Variants in RB1CC1 observed in about 807,000 individuals in gnomAD.
The protein encoded by RB1CC1 is RB1 inducible coiled-coil 1, also known as RB1-inducible coiled-coil protein 1.
In RB1CC1, 46 loss-of-function variants were observed where a neutral mutation model predicts 177.5. The ratio of observed to expected loss-of-function variants is 0.26; its 90% CI spans 0.20 to 0.33. The LOEUF is 0.33. Ranked by LOEUF, RB1CC1 falls within the 10% of genes least tolerant of loss-of-function variation. The pLI is 1.00. For synonymous variants in RB1CC1, 666 were observed against 613.6 expected, an observed-to-expected ratio of 1.09 and a Z score of -1.26; for missense variants, 1,703 against 1,816.3, an observed-to-expected ratio of 0.94 and a Z score of 1.13.
intron 15 of RB1CC1, among the ~76,000 whole-genome samples, chr8:52,650,656 TC>T (rs1850491356): frequency 6.6e-6 from 1 of 151,566 alleles, no homozygotes; most frequent in Non-Finnish European, 1.5e-5. Flanking sequence ...GAAAAAAAAA[TC>T]CCATAAAACA....
intron 18 of RB1CC1, among the ~76,000 whole-genome samples, chr8:52,639,389 C>G (rs565029233): frequency 3.3e-5 from 5 of 151,562 alleles, no homozygotes; most frequent in Non-Finnish European, 7.4e-5. Context: ...ATGATCTACA[C>G]TCTGATGTAC....
In RB1CC1 at chr8:52,709,689, G is replaced by T. The variant is rs552121030; in HGVS notation, c.-167+4386C>A. ...CGAGGCAGTGGTTGTAGTGAGCCTA[G>T]ATCACACCATTGCCTGTCGCCTGCC... On this transcript the variant is annotated intron_variant, in intron 1 of 23. Transcript: ENST00000025008. Among the ~76,000 whole-genome samples, 28 of 152,342 alleles carry T rather than the reference G, an allele frequency of 1.8e-4. No homozygotes were observed. The South Asian group carries it at 5.8e-3, about 32-fold the overall frequency.
At chr8:52,670,580 G>A (rs910989343) in intron 7 of RB1CC1, among the ~76,000 whole-genome samples, 1 of 152,188 alleles carries the variant, frequency 6.6e-6, no homozygotes, top group Non-Finnish European at 1.5e-5. Context: ...AAATTATGCT[G>A]CATTAACCTG....
Position 52,674,169 on chromosome 8 carries a change from A to C in RB1CC1, c.678T>G (p.His226Gln). ...CLGRLDSLPE[H>Q]EDSEKAEMKR... ...TCATCTCAGCTTTTTCTGAGTCTTCATGTTCAGGTAAAGAATCCAGTCTTC... is the reference window on the plus strand; with the variant it reads ...TCATCTCAGCTTTTTCTGAGTCTTCCTGTTCAGGTAAAGAATCCAGTCTTC... Residue 226 changes from histidine to glutamine, a missense_variant, in exon 7 of 24, where the codon CAT (histidine) becomes CAG (glutamine). By Grantham distance (24) the His-to-Gln change is conservative. Coordinates refer to ENST00000025008, the MANE Select transcript of RB1CC1 (RefSeq NM_014781.5). The C allele has an allele frequency of 6.2e-7, 1 of 1,613,548 alleles. No homozygotes were observed. The highest frequency in any genetic ancestry group is 1.1e-5 in the South Asian group (1 of 91,056).
chr8:52,651,233 C>T (rs1850543847), intron 15 of RB1CC1, among the ~76,000 whole-genome samples: 1 of 152,124 alleles, frequency 6.6e-6, no homozygotes, highest in Non-Finnish European at 1.5e-5. Flanking sequence ...AAGTTGACTG[C>T]CTGGAAAGTA....
chr8:52,644,125 G>A (rs1248306361), intron 16 of RB1CC1, among the ~76,000 whole-genome samples: 1 of 152,000 alleles, frequency 6.6e-6, no homozygotes, highest in Non-Finnish European at 1.5e-5. Flanking sequence ...AATTTGAAAT[G>A]AATTTTTAGG....
At chr8:52,672,152 T>C (rs1852660714) in intron 7 of RB1CC1, among the ~76,000 whole-genome samples, 1 of 152,194 alleles carries the variant, frequency 6.6e-6, no homozygotes, top group East Asian at 1.9e-4. Flanking sequence ...ATTTATTCTT[T>C]CATTCATTAT....
At position 52,642,451 on chromosome 8, in the gene RB1CC1, A is replaced by C. The variant is rs1849663867; in HGVS notation, c.4237T>G (p.Cys1413Gly). ...GATTCACCTGGGAGTTCAGGTGCAC[A>C]AGCTCCATAAAGTTCTGGGGCTGTA... is the stretch of plus-strand genomic sequence containing the variant. ...VATAPELYGA[C>G]APELPGESDR... Residue 1413 changes from cysteine to glycine, a missense_variant, in exon 18 of 24, where the codon TGT becomes GGT. By Grantham distance (159) the Cys-to-Gly change is radical. This residue lies in a region of RB1CC1 where 1,169 missense variants were observed against 1,184.7 expected (regional missense o/e 0.99). Coordinates refer to ENST00000025008, the MANE Select transcript of RB1CC1 (RefSeq NM_014781.5). The C allele has an allele frequency of 3.1e-6, 5 of 1,614,096 alleles. No homozygotes were observed. The highest frequency in any genetic ancestry group is 4.2e-6 in the Non-Finnish European group (5 of 1,179,972).
In RB1CC1 at chr8:52,665,718, A is replaced by G. The variant is rs576164710; in HGVS notation, c.1173+2303T>C. ...CCCTGTGGCTCTAGGAAAGCAGTGA[A>G]GAAGCCAGGCACAGTGAAAGGGCTA... On this transcript the variant is annotated intron_variant, in intron 8 of 23. Coordinates refer to ENST00000025008, the MANE Select transcript of RB1CC1 (RefSeq NM_014781.5). Among the ~76,000 whole-genome samples the G allele has an allele frequency of 2.0e-5, 3 of 152,308 alleles. 1 individual carries two copies. The South Asian group carries it at 6.2e-4, about 32-fold the overall frequency.
At chr8:52,701,774 A>C (rs1856082821) in intron 1 of RB1CC1, among the ~76,000 whole-genome samples, 2 of 149,588 alleles carry the variant, frequency 1.3e-5, no homozygotes, top group Non-Finnish European at 3.0e-5. Flanking sequence ...TAGCTCCTAT[A>C]CCACTAAAGT....
In RB1CC1 at chr8:52,657,483, T is replaced by C; in HGVS notation, c.2346A>G (p.Val782=). Residue 782 remains valine (V), a synonymous_variant, in exon 15 of 24, where the codon GTA becomes GTG. Coordinates refer to ENST00000025008, the MANE Select transcript of RB1CC1 (RefSeq NM_014781.5). ...GATCTCCAAAATCCTCCTTACCACA[T>C]ACATTTGTATCCTGCATTCGTCTAC... The part of the protein sequence containing the change: ...IDSRRMQDTN[V]CGKEDFGDHT... The C allele has an allele frequency of 6.2e-7, 1 of 1,613,822 alleles. No individual in the cohort carries two copies. Among genetic ancestry groups the C allele is most frequent in the South Asian group, 1.1e-5 (1 of 91,082 alleles).
intron 1 of RB1CC1, among the ~76,000 whole-genome samples, chr8:52,707,930 C>G (rs777990338): frequency 7.2e-5 from 11 of 152,202 alleles, no homozygotes; most frequent in Non-Finnish European, 1.2e-4. Context: ...CTCCACATAT[C>G]AGTTGACAAT....
chr8:52,691,884 A>G (rs1040091697), intron 1 of RB1CC1, among the ~76,000 whole-genome samples: 13 of 152,188 alleles, frequency 8.5e-5, no homozygotes, highest in Admixed American at 4.6e-4. Context: ...TTTCCTCCAC[A>G]TGTCCTAAGT....
At chr8:52,661,336 T>A in intron 9 of RB1CC1, 55 bp from the exon 10 acceptor site, 1 of 1,574,252 alleles carries the variant, frequency 6.4e-7, no homozygotes, top group African/African-American at 1.4e-5. Flanking sequence ...CTAACTTAGT[T>A]ACTTACTTAG....
chr8:52,647,233 T>C (rs931000719), intron 15 of RB1CC1, among the ~76,000 whole-genome samples: 2 of 152,198 alleles, frequency 1.3e-5, no homozygotes, highest in African/African-American at 4.8e-5. Flanking sequence ...TCCAAAGGGA[T>C]AGCTTTATAC....
At chr8:52,641,684 T>C (rs1169816111) in intron 18 of RB1CC1, among the ~76,000 whole-genome samples, 2 of 152,104 alleles carry the variant, frequency 1.3e-5, no homozygotes, top group South Asian at 2.1e-4. Flanking sequence ...ATTCTTTGTG[T>C]GGCATAATGA....
intron 12 of RB1CC1, among the ~76,000 whole-genome samples, chr8:52,659,423 C>T (rs1851404735): frequency 2.6e-5 from 4 of 152,012 alleles, no homozygotes; most frequent in Admixed American, 6.6e-5. Context: ...TTTTCCATTA[C>T]ATTTTCCAGA....
intron 1 of RB1CC1, among the ~76,000 whole-genome samples, chr8:52,687,945 G>C (rs772591744): frequency 6.6e-6 from 1 of 152,184 alleles, no homozygotes; most frequent in Non-Finnish European, 1.5e-5. Context: ...CAAACAGAGC[G>C]ACCAGCTGGA....
At position 52,676,367 on chromosome 8, in the gene RB1CC1, A is replaced by C; in HGVS notation, c.572+2T>G. The C allele has an allele frequency of 6.3e-7, 1 of 1,594,204 alleles. No individual in the cohort carries two copies. Among genetic ancestry groups the C allele is most frequent in the Non-Finnish European group, 8.6e-7 (1 of 1,167,482 alleles). ...TATTATCCATTTTAATGGCAAACAT[A>C]CTGAGTAAGTTTTAACTTGATGTCT... On this transcript the variant is annotated splice_donor_variant, in intron 6 of 23. Transcript: ENST00000025008. LOFTEE classifies it high-confidence loss of function.
Sources: allele counts gnomAD v4.1 joint callset (sites outside exome capture counted in the v4.1 genomes callset), GRCh38; gene constraint gnomAD v4.1.1; regional missense constraint gnomAD v4.1.1; transcripts MANE v1.5; gene names NCBI Gene and HGNC (gene_info 2026-07-23, HGNC 2026-07-21).